DVL2: variants seen among roughly 807,000 people sequenced by gnomAD.
DVL2 encodes dishevelled segment polarity protein 2.
A neutral mutation model predicts 69.8 loss-of-function variants in DVL2; 38 were observed. The observed-to-expected ratio is 0.54, with a 90% CI of 0.42 to 0.71. DVL2 has a LOEUF of 0.71. Ranked by LOEUF, DVL2 falls within the 30% of genes least tolerant of loss-of-function variation. The pLI, the probability that DVL2 is intolerant of heterozygous loss-of-function variation, is 0.00. For missense variants in DVL2, 931 were observed against 1,008.1 expected (o/e 0.92, Z 1.04); for synonymous variants, 428 against 392.4 (o/e 1.09, Z -1.07).
At chr17:7,230,634 A>C (rs2071528575) in intron 2 of DVL2, 94 bp downstream of exon 2, 3 of 1,378,448 alleles carry the variant, frequency 2.2e-6, no homozygotes, top group Non-Finnish European at 3.0e-6. Flanking sequence ...AGGGCTGCTA[A>C]CGCGCGGCCT....
chr17:7,233,310 C>T (rs1030505796), intron 1 of DVL2, among the ~76,000 whole-genome samples: 3 of 152,054 alleles, frequency 2.0e-5, no homozygotes, highest in Non-Finnish European at 4.4e-5. Flanking sequence ...CATCCCAATA[C>T]GGCTGCCTGT....
At position 7,231,465 on chromosome 17, in the gene DVL2, A is replaced by C. The variant is rs536400330; in HGVS notation, c.195-668T>G. On this transcript the variant is annotated intron_variant, in intron 1 of 14. Transcript: ENST00000005340. ...GCGGCTCAAAAAAAAAAAAAAAAAA[A>C]ACCTTCCAAAAAAGGCTTTGGTCCT... Among the ~76,000 whole-genome samples the C allele has an allele frequency of 2.6e-3, 355 of 137,064 alleles. 3 individuals carry two copies. The highest frequency in any genetic ancestry group is 9.2e-3 in the African/African-American group (337 of 36,722). 89.9% of individuals were successfully genotyped at this position (137,064 alleles called of 152,430 possible).
chr17:7,229,375 T>A lies in DVL2; in HGVS notation c.817+3A>T. The A allele has an allele frequency of 6.2e-7, 1 of 1,613,838 alleles. No individual in the cohort carries two copies. Among genetic ancestry groups the A allele is most frequent in the Non-Finnish European group, 8.5e-7 (1 of 1,179,972 alleles). ...ACGCCCTAGCCACAGGCTCTCCCCA[T>A]ACCCATGTTTAGCGTGACTGTGATG... On this transcript the variant is annotated splice_donor_region_variant and intron_variant, in intron 7 of 14. Transcript: ENST00000005340. The surrounding 1 kb of genome is among the most constrained non-coding windows in gnomAD (Gnocchi z 4.4).
At position 7,230,755 on chromosome 17, in the gene DVL2, G is replaced by A. The variant is rs765268558; in HGVS notation, c.237C>T (p.Pro79=). The stretch of plus-strand genomic sequence containing the variant: ...AGGATACCACCCTTCCGTTGAAGCA[G>A]GGGAGGCGGGCGTTGTCATCTGAAA... The part of the protein sequence containing the change: ...EEISDDNARL[P]CFNGRVVSWL... The change falls in exon 2 of 15, where the codon CCC becomes CCT. Residue 79 remains proline (P), a synonymous_variant. Transcript: ENST00000005340. 6.2e-7 allele frequency: 1 copy of A among 1,613,546 alleles called. No individual in the cohort carries two copies. Among genetic ancestry groups the A allele is most frequent in the South Asian group, 1.1e-5 (1 of 91,036 alleles).
rs139009265 is a variant in DVL2 at position 7,232,958 on chromosome 17, C to T, written c.194+1111G>A. 4.3e-3 allele frequency among the ~76,000 whole-genome samples: 653 copies of T among 151,832 alleles called. 7 individuals are homozygous for T. The highest frequency in any genetic ancestry group is 0.015 in the African/African-American group (631 of 41,384). Reference sequence around the variant, plus strand: ...ACAAAAAATTAGCCGGGTGTGGTGGCGGACGCCTGTAGTCCCAGCTACTTG... The same window carrying T: ...ACAAAAAATTAGCCGGGTGTGGTGGTGGACGCCTGTAGTCCCAGCTACTTG... On this transcript the variant is annotated intron_variant, in intron 1 of 14. Coordinates refer to ENST00000005340, the MANE Select transcript of DVL2 (RefSeq NM_004422.3).
chr17:7,232,951 G>T (rs2071564601), intron 1 of DVL2, among the ~76,000 whole-genome samples: 5 of 152,002 alleles, frequency 3.3e-5, no homozygotes, highest in Admixed American at 3.3e-4. Context: ...TTAGCCGGGT[G>T]TGGTGGCGGA....
At chr17:7,226,997 C>G (rs2071465292) in intron 13 of DVL2, 93 bp downstream of exon 13, 1 of 1,301,550 alleles carries the variant, frequency 7.7e-7, no homozygotes, top group African/African-American at 1.5e-5. Flanking sequence ...TCCATGGTGG[C>G]CCTGGCTGCG....
In DVL2 at chr17:7,226,552, G is replaced by C. The variant is rs777885516; in HGVS notation, c.1631C>G (p.Pro544Arg). ...GGAGAAAGTGGGCAGCAGGGGCCAG[G>C]GGGTGGCCCCAGGCAGAGGAGCCAG... is the stretch of plus-strand genomic sequence containing the variant. Reference protein sequence around the residue: ...DTLAPLPGATPWPLLPTFSYQ... With the variant: ...DTLAPLPGATRWPLLPTFSYQ... Residue 544 changes from proline to arginine, a missense_variant, in exon 14 of 15, where the codon CCC becomes CGC. By Grantham distance (103) the Pro-to-Arg change is moderately radical. Around this residue, in one of 3 missense-constraint regions of DVL2, gnomAD observed 314 missense variants for 313.7 expected, o/e 1.00. Coordinates refer to ENST00000005340, the MANE Select transcript of DVL2 (RefSeq NM_004422.3). The C allele has an allele frequency of 6.2e-7, 1 of 1,609,358 alleles. No homozygotes were observed. The highest frequency in any genetic ancestry group is 1.7e-5 in the Admixed American group (1 of 59,294).
At chr17:7,227,612 G>C in intron 11 of DVL2, 43 bp downstream of exon 11, 1 of 1,614,124 alleles carries the variant, frequency 6.2e-7, no homozygotes. Context: ...CTGCGGGACA[G>C]CCTTCTGCTG....
chr17:7,228,742 C>T (rs2071496282), intron 9 of DVL2: 1 of 521,098 alleles, frequency 1.9e-6, no homozygotes, highest in African/African-American at 1.9e-5. Context: ...CCACCATGCC[C>T]ACTTAATTTT....
At chr17:7,226,835 C>T (rs937144347) in intron 13 of DVL2, 196 bp from the exon 14 acceptor site, 3 of 628,304 alleles carry the variant, frequency 4.8e-6, no homozygotes, top group South Asian at 4.3e-5. Context: ...CACTAGCCCA[C>T]GTCTTTGCGG....
In DVL2 at chr17:7,229,815, T is replaced by G; in HGVS notation, c.649A>C (p.Met217Leu). The G allele has an allele frequency of 6.2e-7, 1 of 1,611,934 alleles. No individual in the cohort carries two copies. Among genetic ancestry groups the G allele is most frequent in the Non-Finnish European group, 8.5e-7 (1 of 1,179,302 alleles). Residue 217 changes from methionine to leucine, a missense_variant, in exon 5 of 15, where the codon ATG (methionine) becomes CTG (leucine). Physicochemically the swap from Met to Leu is conservative, Grantham distance 15 (BLOSUM62 2). This residue lies in a region of DVL2 where 555 missense variants were observed against 588.8 expected (regional missense o/e 0.94). Coordinates refer to ENST00000005340, the MANE Select transcript of DVL2 (RefSeq NM_004422.3). This position sits in a 1 kb window ranked among gnomAD's most constrained non-coding sequence, Gnocchi z 4.4. ...AGCTGTGCGGAGCCACACCTGCTCATGGTGTCCTCCTCGTCCGAGTCCCCC... is the reference window on the plus strand; with the variant it reads ...AGCTGTGCGGAGCCACACCTGCTCAGGGTGTCCTCCTCGTCCGAGTCCCCC... ...SLGDSDEEDT[M>L]SRFSSSTEQS...
intron 2 of DVL2, 103 bp from the exon 3 acceptor site, chr17:7,230,533 A>G (rs2071527398): frequency 2.0e-6 from 3 of 1,499,576 alleles, no homozygotes; most frequent in Non-Finnish European, 2.7e-6. Flanking sequence ...GCTGGAGAAG[A>G]GCAAAAAAAC....
At chr17:7,233,747 C>T (rs2071585011) in intron 1 of DVL2, among the ~76,000 whole-genome samples, 1 of 152,170 alleles carries the variant, frequency 6.6e-6, no homozygotes, top group South Asian at 2.1e-4. Flanking sequence ...CTCCTGAGAA[C>T]GTACTAAACA....
intron 9 of DVL2, 96 bp downstream of exon 9, chr17:7,228,873 C>G (rs72839770): frequency 5.4e-6 from 7 of 1,305,518 alleles, no homozygotes; most frequent in Non-Finnish European, 6.5e-6. Context: ...CGAGCCACCA[C>G]GCCCGGCTGT....
rs762096383 is a variant in DVL2, at chr17:7,229,132, C to T, written c.957+3G>A. On this transcript the variant is annotated splice_donor_region_variant and intron_variant, in intron 8 of 14. Transcript: ENST00000005340. This position sits in a 1 kb window ranked among gnomAD's most constrained non-coding sequence, Gnocchi z 4.4. Reference sequence around the variant, plus strand: ...GCAGCTCAGTGGCCCTACCCCAGCACACCTGCAAAAGCATGTCCCCTGGCT... The same window carrying T: ...GCAGCTCAGTGGCCCTACCCCAGCATACCTGCAAAAGCATGTCCCCTGGCT... 3 of 1,614,058 alleles carry T rather than the reference C, an allele frequency of 1.9e-6. No homozygotes were observed. Among genetic ancestry groups the T allele is most frequent in the Non-Finnish European group, 2.5e-6 (3 of 1,179,892 alleles).
At position 7,225,870 on chromosome 17, in the gene DVL2, T is replaced by G; in HGVS notation, c.2206A>C (p.Met736Leu). 6.2e-7 allele frequency: 1 copy of G among 1,613,694 alleles called. No individual in the cohort carries two copies. The highest frequency in any genetic ancestry group is 8.5e-7 in the Non-Finnish European group (1 of 1,179,988). ...GNPSEFFVDV[M>L] is the part of the protein sequence containing the mutation. ...CAGCCTGGCCCCACAGTGGGCTACA[T>G]AACATCCACAAAGAACTCGCTGGGA... Residue 736 changes from methionine to leucine, a missense_variant, in exon 15 of 15, where the codon ATG (methionine) becomes CTG (leucine). Transcript: ENST00000005340.
chr17:7,228,845 G>C (rs2071497495), intron 9 of DVL2, 124 bp downstream of exon 9: 1 of 943,284 alleles, frequency 1.1e-6, no homozygotes, highest in Admixed American at 2.1e-5. Context: ...GCCTCCCAAA[G>C]TGCTGGGTTT....
rs751914943 is a variant in DVL2 at position 7,229,261 on chromosome 17, G to A, written c.831C>T (p.Phe277=). The A allele has an allele frequency of 3.7e-6, 6 of 1,614,150 alleles. No individual in the cohort carries two copies. Among genetic ancestry groups the A allele is most frequent in the Middle Eastern group, 1.6e-4 (1 of 6,062 alleles). The change falls in exon 8 of 15, where the codon TTC becomes TTT. Residue 277 remains phenylalanine (F), a synonymous_variant. Coordinates refer to ENST00000005340, the MANE Select transcript of DVL2 (RefSeq NM_004422.3). This position sits in a 1 kb window ranked among gnomAD's most constrained non-coding sequence, Gnocchi z 4.4. ...TVTLNMEKYN[F]LGISIVGQSN... The stretch of plus-strand genomic sequence containing the variant: ...TCTGGCCAACAATGGAGATACCCAG[G>A]AAGTTGTACTTCTCTGTGGAGAGAG...
Sources: gnomAD v4.1 joint callset for allele counts (sites outside exome capture counted in the v4.1 genomes callset) on GRCh38, gnomAD v4.1.1 for gene constraint, gnomAD v4.1.1 regional missense constraint, Gnocchi (gnomAD v3.1) non-coding constraint, MANE v1.5 for transcripts, NCBI Gene and HGNC (gene_info 2026-07-23, HGNC 2026-07-21) for gene names.